The following EXTL3 variants were observed in gnomAD, a reference collection of about 807,000 sequenced individuals.
EXTL3 encodes exostosin-like 3.
EXTL3 carries 27 observed loss-of-function variants against 69.3 expected under a neutral mutation model. The ratio of observed to expected loss-of-function variants is 0.39; its 90% CI spans 0.29 to 0.54. EXTL3 has a LOEUF of 0.54. EXTL3 is among the 20% of genes least tolerant of loss of function. EXTL3 has a pLI of 0.69. For missense variants in EXTL3, 1,003 were observed against 1,231.8 expected (o/e 0.81, Z 2.78); for synonymous variants, 511 against 499.4 (o/e 1.02, Z -0.31).
intron 1 of EXTL3, among the ~76,000 whole-genome samples, chr8:28,704,699 C>T (rs368786543): frequency 1.3e-5 from 2 of 151,760 alleles, no homozygotes; most frequent in Non-Finnish European, 2.9e-5. Context: ...GACGGCGTCT[C>T]GCTCTTTTCG....
At chr8:28,737,915 G>A (rs1314673716) in intron 5 of EXTL3, among the ~76,000 whole-genome samples, 4 of 151,780 alleles carry the variant, frequency 2.6e-5, no homozygotes, top group South Asian at 2.1e-4. Flanking sequence ...CTTTCTGGGC[G>A]TTGGCTCTCC....
At chr8:28,738,377 G>C (rs1179370789) in intron 5 of EXTL3, among the ~76,000 whole-genome samples, 1 of 152,240 alleles carries the variant, frequency 6.6e-6, no homozygotes, top group African/African-American at 2.4e-5. Context: ...AAGGGTGTCA[G>C]ATAGCTCAGT....
intron 5 of EXTL3, chr8:28,740,307 T>C (rs922913256): frequency 1.6e-4 from 24 of 152,190 alleles, no homozygotes; most frequent in African/African-American, 5.6e-4. Context: ...TTTATGAGAC[T>C]GAGTTTTGCT....
intron 1 of EXTL3, among the ~76,000 whole-genome samples, chr8:28,673,497 T>A (rs1807332202): frequency 6.6e-6 from 1 of 152,174 alleles, no homozygotes; most frequent in Non-Finnish European, 1.5e-5. Flanking sequence ...ATCTCCAGAC[T>A]GGGATTTACA....
At chr8:28,749,098 C>G (rs145189181) in intron 6 of EXTL3, among the ~76,000 whole-genome samples, 1 of 152,022 alleles carries the variant, frequency 6.6e-6, no homozygotes, top group Non-Finnish European at 1.5e-5. Context: ...ACATAGGACA[C>G]GCACAGGTAA....
chr8:28,653,870 G>T (rs1806965089), intron 1 of EXTL3, among the ~76,000 whole-genome samples: 1 of 152,038 alleles, frequency 6.6e-6, no homozygotes, highest in South Asian at 2.1e-4. Flanking sequence ...GCTATTTTGA[G>T]TCTCTTAATT....
At chr8:28,729,252 A>T (rs1801479593) in intron 3 of EXTL3, among the ~76,000 whole-genome samples, 1 of 138,700 alleles carries the variant, frequency 7.2e-6, no homozygotes, top group African/African-American at 2.8e-5. Context: ...CCGAGATCAC[A>T]CCACTGCATT....
Position 28,640,310 on chromosome 8 carries a change from G to GA in EXTL3, c.-53+17505dup, listed in dbSNP as rs372168470. Among the ~76,000 whole-genome samples, 904 of 152,148 alleles carry GA rather than the reference G, an allele frequency of 5.9e-3. 11 individuals are homozygous for GA. The highest frequency in any genetic ancestry group is 0.02 in the African/African-American group (835 of 41,502). ...GAATTTAGATTGATTCCATAAACTG[G>GA]AAAAATCTAAAAATATAATATCTAT... On this transcript the variant is annotated intron_variant, in intron 1 of 6. Coordinates refer to the EXTL3 transcript ENST00000523149.
upstream of EXTL3, among the ~76,000 whole-genome samples, chr8:28,621,948 T>A (rs899431765): frequency 6.6e-6 from 1 of 152,228 alleles, no homozygotes; most frequent in Admixed American, 6.5e-5. Context: ...AGTCATTTGT[T>A]ATATTCTCAT....
intron 1 of EXTL3, among the ~76,000 whole-genome samples, chr8:28,686,347 AG>A (rs1807577574): frequency 6.6e-6 from 1 of 151,444 alleles, no homozygotes; most frequent in Non-Finnish European, 1.5e-5. Context: ...AAAAAAAAAA[AG>A]AAAAGAAAAA....
Position 28,731,240 on chromosome 8 carries a change from G to C in EXTL3, c.2166G>C (p.Lys722Asn). The C allele has an allele frequency of 6.2e-7, 1 of 1,614,116 alleles. No homozygotes were observed. The highest frequency in any genetic ancestry group is 8.5e-7 in the Non-Finnish European group (1 of 1,180,012). The stretch of plus-strand genomic sequence containing the variant: ...CATCACAGGTGGTCCGTACTGAGAA[G>C]AACAGTTTGAACAACCGATTCTTAC... ...GVPIMVVRTEKNSLNNRFLPW... is the reference protein window; with the variant it reads ...GVPIMVVRTENNSLNNRFLPW... Residue 722 changes from lysine to asparagine, a missense_variant, in exon 4 of 7, where the codon AAG becomes AAC. Physicochemically the swap from Lys to Asn is moderately conservative, Grantham distance 94 (BLOSUM62 0). Around this residue, in one of 2 missense-constraint regions of EXTL3, gnomAD observed 261 missense variants for 416.4 expected, o/e 0.63. Coordinates refer to ENST00000220562, the MANE Select transcript of EXTL3 (RefSeq NM_001440.4).
chr8:28,755,459 A>G lies in EXTL3; in HGVS notation c.*4593A>G, dbSNP rs189421790. On this transcript the variant is annotated 3_prime_UTR_variant, in exon 7 of 7. Coordinates refer to ENST00000220562, the MANE Select transcript of EXTL3 (RefSeq NM_001440.4). ...CTTCATCTGTCTTGACGTTTATGAA[A>G]GAGTACAGGCTGGGTGCGGTGGTTC... The G allele has an allele frequency of 2.6e-5, 4 of 152,404 alleles. No homozygotes were observed. The highest frequency in any genetic ancestry group is 9.6e-5 in the African/African-American group (4 of 41,596). 9.4% of individuals were successfully genotyped at this position (152,404 alleles called of 1,614,324 possible).
At chr8:28,690,482 G>C (rs1248516095) in intron 1 of EXTL3, among the ~76,000 whole-genome samples, 1 of 152,040 alleles carries the variant, frequency 6.6e-6, no homozygotes, top group East Asian at 1.9e-4. Context: ...TGGTGGTGGT[G>C]GTTTTGTTTT....
At chr8:28,676,611 G>A (rs891497233) in intron 1 of EXTL3, among the ~76,000 whole-genome samples, 3 of 152,278 alleles carry the variant, frequency 2.0e-5, no homozygotes, top group Admixed American at 1.3e-4. Flanking sequence ...AGAACCACTG[G>A]TATAAACCTA....
chr8:28,664,482 C>T (rs1240377503), intron 1 of EXTL3, among the ~76,000 whole-genome samples: 1 of 152,108 alleles, frequency 6.6e-6, no homozygotes, highest in East Asian at 1.9e-4. Flanking sequence ...TGCATCCGGC[C>T]TCTGGGGTCT....
chr8:28,649,691 G>T (rs1806886563), intron 1 of EXTL3, among the ~76,000 whole-genome samples: 1 of 151,984 alleles, frequency 6.6e-6, no homozygotes, highest in Admixed American at 6.6e-5. Flanking sequence ...TTTGTCTATG[G>T]TATATTTCAG....
chr8:28,741,791 T>G (rs1177477264), intron 5 of EXTL3: 1 of 152,192 alleles, frequency 6.6e-6, no homozygotes, highest in Non-Finnish European at 1.5e-5. Flanking sequence ...AAAATTACAA[T>G]TCATTTTTTT....
intron 1 of EXTL3, among the ~76,000 whole-genome samples, chr8:28,680,131 C>T (rs954846640): frequency 2.0e-5 from 3 of 151,456 alleles, no homozygotes; most frequent in African/African-American, 7.3e-5. Flanking sequence ...GTGGCTTATG[C>T]CTATAATCCC....
Position 28,752,003 on chromosome 8 carries a change from T to A in EXTL3, c.*1137T>A. ...GATAATTCCTTGGTGAAATTCACCT[T>A]CCCCCCGCCTCTGTCTGGAGCCCCA... On this transcript the variant is annotated 3_prime_UTR_variant, in exon 7 of 7. Transcript: ENST00000220562. 1 of 152,402 alleles carries A rather than the reference T, an allele frequency of 6.6e-6. No homozygotes were observed. The allele number at this position is 152,402 out of a possible 1,614,324, so 9.4% of individuals were successfully genotyped here.
Sources: allele counts gnomAD v4.1 joint callset (sites outside exome capture counted in the v4.1 genomes callset), GRCh38; gene constraint gnomAD v4.1.1; regional missense constraint gnomAD v4.1.1; transcripts MANE v1.5; gene names NCBI Gene and HGNC (gene_info 2026-07-23, HGNC 2026-07-21).